Variants in ATP8B4 observed in about 807,000 individuals in gnomAD.
ATP8B4 encodes ATPase phospholipid transporting 8B4 (putative).
ATP8B4 carries 133 observed loss-of-function variants against 145.6 expected under a neutral mutation model. That is an observed-to-expected ratio of 0.91 (90% CI 0.79 to 1.05). The LOEUF is 1.05. Ranked by LOEUF, ATP8B4 falls within the 50% of genes least tolerant of loss-of-function variation. The pLI is 0.00. For missense variants in ATP8B4, 1,458 were observed against 1,425.2 expected, an observed-to-expected ratio of 1.02 and a Z score of -0.37; for synonymous variants, 507 against 492.9, an observed-to-expected ratio of 1.03 and a Z score of -0.38.
intron 1 of ATP8B4, among the ~76,000 whole-genome samples, chr15:50,162,663 C>A (rs896265066): frequency 1.3e-5 from 2 of 152,092 alleles, no homozygotes; most frequent in Non-Finnish European, 2.9e-5. Flanking sequence ...CCCGCCACCA[C>A]GCCCGGCTAA....
intron 14 of ATP8B4, among the ~76,000 whole-genome samples, chr15:49,951,261 G>C (rs893322086): frequency 6.6e-6 from 1 of 152,034 alleles, no homozygotes; most frequent in African/African-American, 2.4e-5. Context: ...TTGGTAATTT[G>C]CAGTCTCATT....
chr15:50,020,330 C>T (rs1036171683), intron 6 of ATP8B4, among the ~76,000 whole-genome samples: 1 of 150,400 alleles, frequency 6.6e-6, no homozygotes, highest in African/African-American at 2.4e-5. Flanking sequence ...AGTGCAATGG[C>T]ACAGTCTCGG....
Position 49,922,129 on chromosome 15 carries a change from G to A in ATP8B4, c.1758+1250C>T, listed in dbSNP as rs780987547. 2.2e-4 allele frequency: 36 copies of A among 165,948 alleles called. 1 individual carries two copies. The East Asian group carries it at 4.5e-3, about 21-fold the overall frequency. The allele number at this position is 165,948 out of a possible 1,614,324, so 10.3% of individuals were successfully genotyped here. On this transcript the variant is annotated intron_variant, in intron 17 of 27. Coordinates refer to ENST00000284509, the MANE Select transcript of ATP8B4 (RefSeq NM_024837.4). The stretch of plus-strand genomic sequence containing the variant: ...GTCTTTTCCTATCATTAAACAATTC[G>A]AAATCAGTAATTAAATAAACATTTA...
At chr15:50,044,828 AG>A in intron 4 of ATP8B4, 136 bp from the exon 5 acceptor site, 1 of 596,646 alleles carries the variant, frequency 1.7e-6, no homozygotes, top group African/African-American at 1.9e-5. Context: ...CAATAATTTA[AG>A]TGTTTGTATT....
At chr15:49,963,585 G>A (rs1376721345) in intron 13 of ATP8B4, among the ~76,000 whole-genome samples, 1 of 152,162 alleles carries the variant, frequency 6.6e-6, no homozygotes, top group Non-Finnish European at 1.5e-5. Flanking sequence ...GCCGTGAAAA[G>A]GAATGAGGTC....
intron 1 of ATP8B4, among the ~76,000 whole-genome samples, chr15:50,180,555 A>G (rs959670867): frequency 1.3e-5 from 2 of 152,218 alleles, no homozygotes; most frequent in Non-Finnish European, 2.9e-5. Context: ...TAGCTGTTCA[A>G]GGAAAAGAGA....
intron 3 of ATP8B4, among the ~76,000 whole-genome samples, chr15:50,071,932 C>T (rs2053763713): frequency 1.3e-5 from 2 of 151,944 alleles, no homozygotes; most frequent in African/African-American, 4.8e-5. Context: ...TACAGGGAAA[C>T]CTACATTGAA....
chr15:50,152,567 A>G (rs182178454), intron 1 of ATP8B4, among the ~76,000 whole-genome samples: 121 of 152,338 alleles, frequency 7.9e-4, no homozygotes, highest in Admixed American at 1.8e-3. Flanking sequence ...CCCAGGGCCT[A>G]TCTAGAAAAT....
At position 49,879,381 on chromosome 15, in the gene ATP8B4, C is replaced by A; in HGVS notation, c.2776G>T (p.Asp926Tyr). 1 of 1,610,092 alleles carries A rather than the reference C, an allele frequency of 6.2e-7. No homozygotes were observed. The highest frequency in any genetic ancestry group is 1.1e-5 in the South Asian group (1 of 90,362). Residue 926 changes from aspartate (D) to tyrosine (Y), a missense_variant, in exon 24 of 28, where the codon GAC (aspartate) becomes TAC (tyrosine). Coordinates refer to ENST00000284509, the MANE Select transcript of ATP8B4 (RefSeq NM_024837.4). ...SLPVLAMGIFDQDVSDQNSVD... is the reference protein window; with the variant it reads ...SLPVLAMGIFYQDVSDQNSVD... ...AAGATGGAAAAAAAACATACCTGGT[C>A]AAAAATCCCCATGGCTAAAACAGGC...
intron 23 of ATP8B4, chr15:49,883,557 A>T (rs2035754997): frequency 6.6e-6 from 1 of 152,232 alleles, no homozygotes; most frequent in African/African-American, 2.4e-5. Flanking sequence ...TGCTTTACAT[A>T]TATCGGCTCA....
At chr15:49,960,116 C>T (rs2043939211) in intron 14 of ATP8B4, among the ~76,000 whole-genome samples, 1 of 151,704 alleles carries the variant, frequency 6.6e-6, no homozygotes, top group Admixed American at 6.6e-5. Flanking sequence ...CAACCTCTGC[C>T]TCCCAGGTTC....
At chr15:50,068,221 T>A (rs986984679) in intron 3 of ATP8B4, among the ~76,000 whole-genome samples, 10 of 152,146 alleles carry the variant, frequency 6.6e-5, no homozygotes, top group African/African-American at 2.4e-4. Context: ...CCTATTTAAA[T>A]GGGCGGGAGG....
At chr15:49,866,586 G>T in intron 25 of ATP8B4, 102 bp from the exon 26 acceptor site, 3 of 1,430,254 alleles carry the variant, frequency 2.1e-6, no homozygotes, top group Non-Finnish European at 1.9e-6. Flanking sequence ...CAGGAAGTTT[G>T]CACCTGCCTA....
chr15:50,156,541 A>G (rs1287806651), intron 1 of ATP8B4, among the ~76,000 whole-genome samples: 1 of 152,138 alleles, frequency 6.6e-6, no homozygotes, highest in Non-Finnish European at 1.5e-5. Flanking sequence ...AGTGAGTTTT[A>G]TTTCAACACC....
At chr15:50,066,089 T>C (rs1025611270) in intron 3 of ATP8B4, among the ~76,000 whole-genome samples, 3 of 151,362 alleles carry the variant, frequency 2.0e-5, no homozygotes, top group African/African-American at 7.3e-5. Context: ...ATAACACTAT[T>C]TAAACAAATC....
At chr15:49,896,388 T>C (rs2037399437) in intron 23 of ATP8B4, 1 of 152,220 alleles carries the variant, frequency 6.6e-6, no homozygotes. Context: ...CCTTAGCACA[T>C]GTAAGAAGAA....
At chr15:49,996,633 T>C (rs1394966147) in intron 9 of ATP8B4, 44 bp downstream of exon 9, 2 of 1,443,614 alleles carry the variant, frequency 1.4e-6, no homozygotes, top group Non-Finnish European at 9.6e-7. Flanking sequence ...GCATTGCTTT[T>C]TGGGTTTGAG....
intron 14 of ATP8B4, among the ~76,000 whole-genome samples, chr15:49,943,333 A>T (rs556987488): frequency 6.6e-5 from 10 of 152,214 alleles, no homozygotes; most frequent in Admixed American, 3.9e-4. Context: ...TAACTTCCCA[A>T]CTCTAGAGAA....
At chr15:50,015,424 G>A (rs574668208) in intron 6 of ATP8B4, among the ~76,000 whole-genome samples, 4 of 152,222 alleles carry the variant, frequency 2.6e-5, no homozygotes, top group African/African-American at 9.6e-5. Context: ...ATAAGTGGCA[G>A]GTCTGGGACC....
Sources: allele counts gnomAD v4.1 joint callset (sites outside exome capture counted in the v4.1 genomes callset), GRCh38; gene constraint gnomAD v4.1.1; transcripts MANE v1.5; gene names NCBI Gene and HGNC (gene_info 2026-07-23, HGNC 2026-07-21).